ENPP6: variants seen among roughly 807,000 people sequenced by gnomAD.
ENPP6 encodes ectonucleotide pyrophosphatase/phosphodiesterase 6.
Under a neutral mutation model 42.0 loss-of-function variants are expected in ENPP6, and 32 were observed. The ratio of observed to expected loss-of-function variants is 0.76; its 90% CI spans 0.58 to 1.02. The LOEUF (loss-of-function observed/expected upper bound fraction) is 1.02, where lower values mean the gene tolerates loss of function less well. Ranked by LOEUF, ENPP6 falls within the 50% of genes least tolerant of loss-of-function variation. The pLI is 0.00. For missense variants in ENPP6, 552 were observed against 566.8 expected (o/e 0.97, Z 0.27); for synonymous variants, 213 against 216.0 (o/e 0.99, Z 0.12).
intron 1 of ENPP6, among the ~76,000 whole-genome samples, chr4:184,200,930 C>T (rs1248852327): frequency 6.6e-6 from 1 of 152,192 alleles, no homozygotes; most frequent in Non-Finnish European, 1.5e-5. Context: ...AAGTAAAGAT[C>T]TTCAGTATCC....
chr4:184,135,125 T>G (rs1292830185), intron 2 of ENPP6, among the ~76,000 whole-genome samples: 12 of 152,156 alleles, frequency 7.9e-5, no homozygotes, highest in Non-Finnish European at 1.8e-4. Flanking sequence ...CATATGACCA[T>G]TTTTGATAAA....
intron 1 of ENPP6, among the ~76,000 whole-genome samples, chr4:184,172,591 C>T (rs945033468): frequency 6.6e-6 from 1 of 152,118 alleles, no homozygotes; most frequent in Non-Finnish European, 1.5e-5. Flanking sequence ...CGGCCTGGAC[C>T]GGAGTGAGCA....
chr4:184,134,234 C>A (rs1044962462), intron 2 of ENPP6, among the ~76,000 whole-genome samples: 1 of 152,016 alleles, frequency 6.6e-6, no homozygotes, highest in Admixed American at 6.6e-5. Context: ...TTGCCTCAGC[C>A]TCCCAAGTAG....
At chr4:184,185,531 A>C (rs1732621319) in intron 1 of ENPP6, among the ~76,000 whole-genome samples, 1 of 152,184 alleles carries the variant, frequency 6.6e-6, no homozygotes, top group Admixed American at 6.5e-5. Flanking sequence ...CCAGACCCCA[A>C]GGTCCTTTCA....
chr4:184,163,236 G>A (rs1737295246), intron 1 of ENPP6, among the ~76,000 whole-genome samples: 1 of 152,168 alleles, frequency 6.6e-6, no homozygotes, highest in South Asian at 2.1e-4. Context: ...CACATTCTCA[G>A]GAATGGAAGG....
Position 184,142,500 on chromosome 4 carries a change from C to T in ENPP6, c.421+11054G>A, listed in dbSNP as rs1011594855. 4.9e-5 allele frequency among the ~76,000 whole-genome samples: 6 copies of T among 122,860 alleles called. No homozygotes were observed. In the East Asian group the frequency reaches 8.7e-4, roughly 18 times the overall value. The allele number at this position is 122,860 out of a possible 152,430, so 80.6% of individuals were successfully genotyped here. ...CTTTTCCTGGGGTTGGCCTTGCCCA[C>T]GGGGCTGGGGGACGTTTGGCGGTGG... On this transcript the variant is annotated intron_variant, in intron 2 of 7. Transcript: ENST00000296741.
chr4:184,216,058 C>T (rs929619946), intron 1 of ENPP6, among the ~76,000 whole-genome samples: 2 of 152,196 alleles, frequency 1.3e-5, no homozygotes, highest in Non-Finnish European at 1.5e-5. Flanking sequence ...ACTAAGATTG[C>T]AGAAGCTGCA....
intron 2 of ENPP6, among the ~76,000 whole-genome samples, chr4:184,149,312 C>A (rs976906696): frequency 3.4e-4 from 51 of 152,198 alleles, no homozygotes; most frequent in Non-Finnish European, 1.0e-4. Flanking sequence ...CCTACCATGG[C>A]AGGAAAGAGA....
intron 4 of ENPP6, 129 bp from the exon 5 acceptor site, chr4:184,117,164 T>C: frequency 1.7e-6 from 2 of 1,187,132 alleles, no homozygotes; most frequent in South Asian, 3.0e-5. Flanking sequence ...TCTACTATTT[T>C]GCCCTGGTGA....
rs1377351331 is a variant in ENPP6, at chr4:184,112,389, A to G, written c.993+283T>C. Among the ~76,000 whole-genome samples the G allele has an allele frequency of 2.0e-5, 3 of 152,320 alleles. No homozygotes were observed. The East Asian group carries it at 5.8e-4, about 29-fold the overall frequency. ...GTAATTGTTCCACTTTCAAGCGAAC[A>G]GGTTACATTGTAAGCCGGGTAATCG... On this transcript the variant is annotated intron_variant, in intron 6 of 7. Coordinates refer to ENST00000296741, the MANE Select transcript of ENPP6 (RefSeq NM_153343.4).
At chr4:184,127,531 A>C (rs562940363) in intron 2 of ENPP6, among the ~76,000 whole-genome samples, 2 of 152,330 alleles carry the variant, frequency 1.3e-5, no homozygotes, top group Admixed American at 6.5e-5. Flanking sequence ...CTGAATAAAA[A>C]AGCAAGACCT....
rs1735926309 is a variant in ENPP6, at chr4:184,097,249, T to TC, written c.1112dup (p.Pro372ThrfsTer2). On this transcript the variant is annotated frameshift_variant, in exon 7 of 8. Transcript: ENST00000296741. LOFTEE classifies it low-confidence loss of function (END_TRUNC). ...TCTGGTCATTTCCTCGCCTACCAGG[T>TC]CCGAAGGCCAGGAAGATGCCCCGCA... 6 of 1,614,136 alleles carry TC rather than the reference T, an allele frequency of 3.7e-6. No individual in the cohort carries two copies. Among genetic ancestry groups the TC allele is most frequent in the Non-Finnish European group, 5.1e-6 (6 of 1,180,020 alleles).
intron 1 of ENPP6, among the ~76,000 whole-genome samples, chr4:184,193,922 A>G (rs940731234): frequency 1.3e-5 from 2 of 152,160 alleles, no homozygotes; most frequent in East Asian, 1.9e-4. Flanking sequence ...GTTTGATGCT[A>G]CTGACTTTCT....
intron 1 of ENPP6, among the ~76,000 whole-genome samples, chr4:184,188,738 G>A (rs1732673585): frequency 6.6e-6 from 1 of 152,098 alleles, no homozygotes; most frequent in Non-Finnish European, 1.5e-5. Flanking sequence ...AATTAAATGT[G>A]GGAGGCTTCA....
chr4:184,090,288 C>T lies in ENPP6; in HGVS notation c.*889G>A, dbSNP rs1735764353. Reference sequence around the variant, plus strand: ...TGTCAGGGATTGCTCTTGTCTGCACCCTATATTGGGAGCCACAGAGTGGCA... The same window carrying T: ...TGTCAGGGATTGCTCTTGTCTGCACTCTATATTGGGAGCCACAGAGTGGCA... On this transcript the variant is annotated 3_prime_UTR_variant, in exon 8 of 8. Coordinates refer to ENST00000296741, the MANE Select transcript of ENPP6 (RefSeq NM_153343.4). 1 of 152,116 alleles carries T rather than the reference C, an allele frequency of 6.6e-6. No individual in the cohort carries two copies. The highest frequency in any genetic ancestry group is 6.6e-5 in the Admixed American group (1 of 15,266). 9.4% of individuals were successfully genotyped at this position (152,116 alleles called of 1,614,324 possible).
chr4:184,155,839 A>G, intron 1 of ENPP6, among the ~76,000 whole-genome samples: 1 of 152,164 alleles, frequency 6.6e-6, no homozygotes, highest in East Asian at 1.9e-4. Context: ...TTTGGTGAAA[A>G]TTTCTCTCTT....
chr4:184,213,170 T>G (rs1286524757), intron 1 of ENPP6, among the ~76,000 whole-genome samples: 1 of 152,020 alleles, frequency 6.6e-6, no homozygotes, highest in Non-Finnish European at 1.5e-5. Context: ...ATTCAGGACA[T>G]AGGCATGGGC....
intron 1 of ENPP6, among the ~76,000 whole-genome samples, chr4:184,169,447 C>T (rs1424858113): frequency 6.6e-6 from 1 of 152,210 alleles, no homozygotes; most frequent in Non-Finnish European, 1.5e-5. Context: ...GCTCTCCTGG[C>T]TCCTGCCTCA....
chr4:184,124,311 ATAAG>A, intron 2 of ENPP6, 39 bp from the exon 3 acceptor site: 7 of 1,482,516 alleles, frequency 4.7e-6, no homozygotes, highest in Non-Finnish European at 6.6e-6. Context: ...ACTCTCTTCA[ATAAG>A]TAATGTCGAG....
Sources: allele counts gnomAD v4.1 joint callset (sites outside exome capture counted in the v4.1 genomes callset), GRCh38; gene constraint gnomAD v4.1.1; transcripts MANE v1.5; gene names NCBI Gene and HGNC (gene_info 2026-07-23, HGNC 2026-07-21).